KIF26B: variants seen among roughly 807,000 people sequenced by gnomAD.
KIF26B encodes kinesin-like protein KIF26B.
A neutral mutation model predicts 151.2 loss-of-function variants in KIF26B; 63 were observed. That is an observed-to-expected ratio of 0.42 (90% CI 0.34 to 0.51). The LOEUF (loss-of-function observed/expected upper bound fraction) is 0.51, where lower values mean the gene tolerates loss of function less well. Among genes scored for constraint, KIF26B ranks in the 20% least tolerant of loss-of-function variants. KIF26B has a pLI of 0.07. For synonymous variants in KIF26B, 1,357 were observed against 1,262.1 expected, an observed-to-expected ratio of 1.08 and a Z score of -1.59; for missense variants, 2,813 against 2,913.6, an observed-to-expected ratio of 0.97 and a Z score of 0.79.
At chr1:245,408,048 C>T (rs1335625778) in intron 3 of KIF26B, among the ~76,000 whole-genome samples, 1 of 152,118 alleles carries the variant, frequency 6.6e-6, no homozygotes, top group African/African-American at 2.4e-5. Context: ...TAGCCTTTGC[C>T]CAATAGAAGA....
intron 2 of KIF26B, among the ~76,000 whole-genome samples, chr1:245,272,058 T>C (rs1301744007): frequency 1.3e-5 from 2 of 152,246 alleles, no homozygotes; most frequent in African/African-American, 2.4e-5. Context: ...ATTTTCTGTT[T>C]CATCATGATT....
In KIF26B at chr1:245,317,225, A is replaced by G. The variant is rs190924168; in HGVS notation, c.466-49609A>G. 7.2e-5 allele frequency among the ~76,000 whole-genome samples: 11 copies of G among 152,312 alleles called. No individual in the cohort carries two copies. In the East Asian group the frequency reaches 1.9e-3, roughly 27 times the overall value. ...CCCGGTAGAAGGAAGGAGTTGCGCT[A>G]AGGTCCCTTCTTAGAAATTAGCTCT... On this transcript the variant is annotated intron_variant, in intron 2 of 14. Coordinates refer to ENST00000407071, the MANE Select transcript of KIF26B (RefSeq NM_018012.4).
chr1:245,471,498 A>G (rs919366840), intron 4 of KIF26B, among the ~76,000 whole-genome samples: 3 of 151,162 alleles, frequency 2.0e-5, no homozygotes, highest in African/African-American at 7.3e-5. Context: ...AGTTAAGACA[A>G]AAGTCACAAT....
chr1:245,538,468 G>T (rs1163380699), intron 4 of KIF26B, among the ~76,000 whole-genome samples: 1 of 151,928 alleles, frequency 6.6e-6, no homozygotes, highest in Non-Finnish European at 1.5e-5. Flanking sequence ...ACCTTGGAGG[G>T]ATATCCTGGG....
chr1:245,475,423 A>G (rs549343938), intron 4 of KIF26B, among the ~76,000 whole-genome samples: 2 of 151,852 alleles, frequency 1.3e-5, no homozygotes, highest in South Asian at 4.2e-4. Flanking sequence ...GCACCACTAG[A>G]CATTCTGAGG....
At chr1:245,585,110 A>G (rs1415377866) in intron 5 of KIF26B, among the ~76,000 whole-genome samples, 1 of 152,220 alleles carries the variant, frequency 6.6e-6, no homozygotes, top group Non-Finnish European at 1.5e-5. Flanking sequence ...GATCCCCATC[A>G]GCTGGAAACT....
chr1:245,596,208 ATC>A (rs1391458158), intron 5 of KIF26B, among the ~76,000 whole-genome samples: 1 of 152,032 alleles, frequency 6.6e-6, no homozygotes, highest in Non-Finnish European at 1.5e-5. Context: ...TAGCTTTTGA[ATC>A]TGTTTGCTCT....
intron 4 of KIF26B, among the ~76,000 whole-genome samples, chr1:245,439,071 G>A (rs553651689): frequency 1.3e-5 from 2 of 152,170 alleles, no homozygotes; most frequent in Non-Finnish European, 1.5e-5. Flanking sequence ...ATGATGGCCA[G>A]GCATGGTGGC....
At chr1:245,526,643 C>A (rs1017893807) in intron 4 of KIF26B, among the ~76,000 whole-genome samples, 4 of 152,180 alleles carry the variant, frequency 2.6e-5, no homozygotes, top group African/African-American at 9.7e-5. Context: ...GAGCATGTCA[C>A]CCAGCGTTGA....
In KIF26B at chr1:245,702,316, A is replaced by C; in HGVS notation, c.6179-142A>C. The C allele has an allele frequency of 2.7e-6, 2 of 734,462 alleles. No homozygotes were observed. Among genetic ancestry groups the C allele is most frequent in the Non-Finnish European group, 2.3e-6 (1 of 444,124 alleles). 45.5% of individuals were successfully genotyped at this position (734,462 alleles called of 1,614,324 possible). A position where few individuals can be genotyped will look rare whatever the true frequency, so the allele number is the denominator to read the frequency against. ...GAGGCCGAGAATCAGGCAGGAGGGA[A>C]CTCTGCAGTGGCCTAAGGCAAGCGA... On this transcript the variant is annotated intron_variant, in intron 14 of 14. Transcript: ENST00000407071. The surrounding 1 kb of genome is among the most constrained non-coding windows in gnomAD (Gnocchi z 4.1).
At chr1:245,382,859 C>G (rs1004883272) in intron 3 of KIF26B, among the ~76,000 whole-genome samples, 3 of 151,718 alleles carry the variant, frequency 2.0e-5, no homozygotes, top group Non-Finnish European at 4.4e-5. Flanking sequence ...TGAGCCACCA[C>G]TCCTGGCTAG....
At position 245,611,838 on chromosome 1, in the gene KIF26B, G is replaced by A. The variant is rs1416898745; in HGVS notation, c.1960G>A (p.Ala654Thr). The A allele has an allele frequency of 6.2e-7, 1 of 1,613,724 alleles. No individual in the cohort carries two copies. Among genetic ancestry groups the A allele is most frequent in the Non-Finnish European group, 8.5e-7 (1 of 1,179,884 alleles). The change falls in exon 9 of 15, where the codon GCC (alanine) becomes ACC (threonine). Residue 654 changes from alanine (A) to threonine (T), a missense_variant. Coordinates refer to ENST00000407071, the MANE Select transcript of KIF26B (RefSeq NM_018012.4). ...GCGGGCCCCCACCGCAGAGAAGGCT[G>A]CCTTTTTCCTGGATGCCGCCATTGC... Reference protein sequence around the residue: ...ELRAPTAEKAAFFLDAAIASR... With the variant: ...ELRAPTAEKATFFLDAAIASR...
chr1:245,213,672 T>C (rs1669587971), intron 2 of KIF26B, among the ~76,000 whole-genome samples: 1 of 152,152 alleles, frequency 6.6e-6, no homozygotes, highest in African/African-American at 2.4e-5. Context: ...CTGGGAGCCT[T>C]TCATCATCAT....
At chr1:245,552,137 G>A (rs868166417) in intron 5 of KIF26B, among the ~76,000 whole-genome samples, 5,205 of 149,224 alleles carry the variant, frequency 0.035, 399 homozygotes, top group African/African-American at 0.12. Flanking sequence ...GTGTGTGTGT[G>A]TGTGTGTGTG....
rs1018256646 is a variant in KIF26B at position 245,570,696 on chromosome 1, T to A, written c.1350+29746T>A. Reference sequence around the variant, plus strand: ...TTCTAATTCACACCAGCTCTTGGTGTTTGCTCTTCGACTGTGGACCTCTGT... The same window carrying A: ...TTCTAATTCACACCAGCTCTTGGTGATTGCTCTTCGACTGTGGACCTCTGT... On this transcript the variant is annotated intron_variant, in intron 5 of 14. Coordinates refer to ENST00000407071, the MANE Select transcript of KIF26B (RefSeq NM_018012.4). 3.9e-5 allele frequency among the ~76,000 whole-genome samples: 6 copies of A among 152,342 alleles called. No individual in the cohort carries two copies. The South Asian group carries it at 1.2e-3, about 32-fold the overall frequency.
chr1:245,688,227 G>T lies in KIF26B; in HGVS notation c.5244G>T (p.Pro1748=), dbSNP rs370546879. The change falls in exon 12 of 15, where the codon CCG becomes CCT. Residue 1748 remains proline (P), a synonymous_variant. Transcript: ENST00000407071. ...LLLASPRARG[P]SASTTKTLSF... ...TGGCCAGCCCCAGAGCGCGCGGCCC[G>T]TCCGCCTCCACCACCAAAACCCTCA... 4 of 1,587,720 alleles carry T rather than the reference G, an allele frequency of 2.5e-6. No homozygotes were observed. Among genetic ancestry groups the T allele is most frequent in the Non-Finnish European group, 2.6e-6 (3 of 1,171,746 alleles).
At chr1:245,220,491 T>A (rs1451409506) in intron 2 of KIF26B, among the ~76,000 whole-genome samples, 4 of 152,126 alleles carry the variant, frequency 2.6e-5, no homozygotes, top group Non-Finnish European at 4.4e-5. Context: ...CCGTTTCTCC[T>A]CTTGCTTTGG....
intron 4 of KIF26B, among the ~76,000 whole-genome samples, chr1:245,465,029 A>T (rs1446928719): frequency 7.4e-6 from 1 of 134,962 alleles, no homozygotes; most frequent in Non-Finnish European, 1.6e-5. Context: ...CCCAGGCTGG[A>T]GTGCAGGGGC....
chr1:245,433,922 G>A (rs1392374370), intron 4 of KIF26B, among the ~76,000 whole-genome samples: 1 of 151,922 alleles, frequency 6.6e-6, no homozygotes, highest in Non-Finnish European at 1.5e-5. Context: ...GACAAAGAAA[G>A]AGAAATTCTC....
Sources: allele counts gnomAD v4.1 joint callset (sites outside exome capture counted in the v4.1 genomes callset), GRCh38; gene constraint gnomAD v4.1.1; non-coding constraint Gnocchi (gnomAD v3.1); transcripts MANE v1.5; gene names NCBI Gene and HGNC (gene_info 2026-07-23, HGNC 2026-07-21).